PLCE1: variants seen among roughly 807,000 people sequenced by gnomAD.
PLCE1 encodes the protein phospholipase C epsilon 1.
In PLCE1, 119 loss-of-function variants were observed where a neutral mutation model predicts 242.8. That is an observed-to-expected ratio of 0.49 (90% confidence interval 0.42 to 0.57). The LOEUF (loss-of-function observed/expected upper bound fraction) is 0.57, where lower values mean the gene tolerates loss of function less well. PLCE1 is among the 20% of genes least tolerant of loss of function. PLCE1 has a pLI of 0.00. For missense variants in PLCE1, 2,441 were observed against 2,788.8 expected (o/e 0.88, Z 2.81); for synonymous variants, 945 against 1,017.4 (o/e 0.93, Z 1.35).
intron 1 of PLCE1, among the ~76,000 whole-genome samples, chr10:94,019,653 C>A (rs998993376): frequency 1.3e-5 from 2 of 152,200 alleles, no homozygotes; most frequent in Non-Finnish European, 2.9e-5. Flanking sequence ...TTGTGGCTAG[C>A]ACAATGGAAG....
At chr10:94,142,621 G>T (rs961085308) in intron 3 of PLCE1, among the ~76,000 whole-genome samples, 1 of 152,210 alleles carries the variant, frequency 6.6e-6, no homozygotes, top group Non-Finnish European at 1.5e-5. Context: ...TCATGCTGGG[G>T]CTGATGATGG....
At chr10:94,087,412 C>G (rs991321911) in intron 2 of PLCE1, among the ~76,000 whole-genome samples, 2 of 151,188 alleles carry the variant, frequency 1.3e-5, no homozygotes, top group Non-Finnish European at 2.9e-5. Flanking sequence ...GCAAGGAACC[C>G]TAGAGCCCAT....
chr10:94,044,926 G>A (rs1339410899), intron 2 of PLCE1, among the ~76,000 whole-genome samples: 1 of 152,102 alleles, frequency 6.6e-6, no homozygotes, highest in African/African-American at 2.4e-5. Flanking sequence ...TTTTCTACAT[G>A]AATATAAAAT....
chr10:94,160,080 C>T (rs573369698), intron 3 of PLCE1, among the ~76,000 whole-genome samples: 2 of 152,240 alleles, frequency 1.3e-5, no homozygotes, highest in South Asian at 2.1e-4. Context: ...AATAAACATA[C>T]GTGTACATGT....
intron 4 of PLCE1, among the ~76,000 whole-genome samples, chr10:94,174,674 A>G (rs1344762289): frequency 6.6e-6 from 1 of 152,166 alleles, no homozygotes; most frequent in Non-Finnish European, 1.5e-5. Context: ...AACACACCAC[A>G]TAAATCTAGC....
chr10:94,023,046 T>A (rs962610281), intron 1 of PLCE1, among the ~76,000 whole-genome samples: 7 of 152,118 alleles, frequency 4.6e-5, no homozygotes, highest in Non-Finnish European at 1.5e-5. Context: ...TACAAAATAA[T>A]GTGCCATGAC....
chr10:94,045,819 G>T (rs2061871111), intron 2 of PLCE1, among the ~76,000 whole-genome samples: 2 of 152,162 alleles, frequency 1.3e-5, no homozygotes, highest in South Asian at 4.2e-4. Context: ...ACCTTGGTTG[G>T]GCCAGGCGCG....
intron 2 of PLCE1, among the ~76,000 whole-genome samples, chr10:94,069,833 G>A (rs2044301620): frequency 6.6e-6 from 1 of 152,164 alleles, no homozygotes; most frequent in Non-Finnish European, 1.5e-5. Flanking sequence ...GGGTGGTCAG[G>A]ATTTAAGGAG....
chr10:94,186,328 A>C (rs1397167080), intron 4 of PLCE1, among the ~76,000 whole-genome samples: 1 of 152,160 alleles, frequency 6.6e-6, no homozygotes, highest in Admixed American at 6.5e-5. Context: ...AAACTGCTAG[A>C]CTTTTATCAT....
chr10:94,098,914 G>T (rs2045414449), intron 2 of PLCE1, among the ~76,000 whole-genome samples: 1 of 152,184 alleles, frequency 6.6e-6, no homozygotes, highest in Admixed American at 6.5e-5. Flanking sequence ...CTGTGCAAGG[G>T]CAGCAAGGAT....
chr10:94,316,663 C>T lies in PLCE1; in HGVS notation c.6249C>T (p.Ala2083=). ...GTAGGAAACAACCATTCCAGAGAGC[C>T]ATTGGTCCAGAAGAGGAGATCATGC... The part of the protein sequence containing the change: ...NECRKQPFQR[A]IGPEEEIMQI... Residue 2083 remains alanine (A), a synonymous_variant, in exon 29 of 33, where the codon GCC becomes GCT. Transcript: ENST00000371380. 6.2e-7 allele frequency: 1 copy of T among 1,613,284 alleles called. No individual in the cohort carries two copies. Among genetic ancestry groups the T allele is most frequent in the Non-Finnish European group, 8.5e-7 (1 of 1,179,296 alleles).
chr10:94,255,159 T>C (rs1564833710), intron 11 of PLCE1, 110 bp downstream of exon 11: 16 of 1,367,550 alleles, frequency 1.2e-5, no homozygotes, highest in East Asian at 2.3e-5. Context: ...TTTTGATGTA[T>C]AGTTGAACTG....
Position 94,032,225 on chromosome 10 carries a change from A to G in PLCE1, c.1179A>G (p.Gln393=), listed in dbSNP as rs1267759975. The change falls in exon 2 of 33, where the codon CAA becomes CAG. Residue 393 remains glutamine, a synonymous_variant. Coordinates refer to ENST00000371380, the MANE Select transcript of PLCE1 (RefSeq NM_016341.4). ...STVEIRQDGS[Q]RLSEAQWYPI... is the part of the protein sequence containing the mutation. ...TGGAGATAAGGCAAGATGGGAGCCA[A>G]CGTCTGTCAGAAGCCCAGTGGTATC... 1.7e-5 allele frequency: 27 copies of G among 1,613,288 alleles called. No individual in the cohort carries two copies. The highest frequency in any genetic ancestry group is 2.7e-5 in the African/African-American group (2 of 74,876).
intron 23 of PLCE1, among the ~76,000 whole-genome samples, chr10:94,297,019 G>A (rs1050016785): frequency 3.3e-5 from 5 of 151,754 alleles, no homozygotes; most frequent in South Asian, 4.2e-4. Context: ...GATGACAGGC[G>A]CGTGTGCCTG....
rs922087034 is a variant in PLCE1 at position 93,994,039 on chromosome 10, G to C, written c.-584G>C. On this transcript the variant is annotated 5_prime_UTR_variant, in exon 1 of 33. Coordinates refer to ENST00000371380, the MANE Select transcript of PLCE1 (RefSeq NM_016341.4). ...GGGCGGCGGGCTCGCGCGGCGGGAG[G>C]GGCAGCGGCGGCGCGCCCGGGCTCT... Among the ~76,000 whole-genome samples, 6 of 151,422 alleles carry C rather than the reference G, an allele frequency of 4.0e-5. No individual in the cohort carries two copies. The highest frequency in any genetic ancestry group is 1.4e-4 in the African/African-American group (6 of 41,488).
chr10:94,204,393 G>T (rs185029576), intron 4 of PLCE1, among the ~76,000 whole-genome samples: 17 of 152,312 alleles, frequency 1.1e-4, no homozygotes, highest in African/African-American at 3.4e-4. Flanking sequence ...TCCTGGCAAG[G>T]CGTGGTGGCT....
At chr10:94,112,616 G>T (rs2045989549) in intron 2 of PLCE1, among the ~76,000 whole-genome samples, 1 of 152,138 alleles carries the variant, frequency 6.6e-6, no homozygotes, top group South Asian at 2.1e-4. Flanking sequence ...AACTTTAAAA[G>T]ATATAATCCA....
chr10:94,023,639 A>T (rs10882382), intron 1 of PLCE1, among the ~76,000 whole-genome samples: 62,784 of 151,974 alleles, frequency 0.41, 16,270 homozygotes, highest in African/African-American at 0.74. Context: ...TCCTTGTGAG[A>T]TTTGCAATTG....
chr10:94,154,394 C>T (rs909238879), intron 3 of PLCE1, among the ~76,000 whole-genome samples: 32 of 152,180 alleles, frequency 2.1e-4, no homozygotes, highest in African/African-American at 7.2e-4. Flanking sequence ...AAAAGCTTCA[C>T]GACATTGGGT....
Sources: gnomAD v4.1 joint callset for allele counts (sites outside exome capture counted in the v4.1 genomes callset) on GRCh38, gnomAD v4.1.1 for gene constraint, MANE v1.5 for transcripts, NCBI Gene and HGNC (gene_info 2026-07-23, HGNC 2026-07-21) for gene names.